Variants in CACNB4 observed in about 807,000 individuals in gnomAD.
CACNB4 encodes voltage-dependent L-type calcium channel subunit beta-4.
CACNB4 carries 32 observed loss-of-function variants against 71.2 expected under a neutral mutation model. The observed-to-expected ratio is 0.45, with a 90% CI of 0.34 to 0.60. The LOEUF is 0.60. Ranked by LOEUF, CACNB4 falls within the 20% of genes least tolerant of loss-of-function variation. The pLI is 0.01. For missense variants in CACNB4, 464 were observed against 647.9 expected (o/e 0.72, Z 3.08); for synonymous variants, 231 against 236.9 (o/e 0.97, Z 0.23).
At chr2:151,950,245 A>C (rs1362836193) in intron 2 of CACNB4, among the ~76,000 whole-genome samples, 1 of 151,972 alleles carries the variant, frequency 6.6e-6, no homozygotes, top group Non-Finnish European at 1.5e-5. Flanking sequence ...CCATATTTTT[A>C]TTTCTCAATA....
chr2:151,999,580 A>C (rs1159920628), intron 2 of CACNB4, among the ~76,000 whole-genome samples: 2 of 152,142 alleles, frequency 1.3e-5, no homozygotes, highest in Non-Finnish European at 2.9e-5. Context: ...CTAAGAATGC[A>C]GTTTCTTAAA....
chr2:152,022,358 T>C (rs922600998), intron 2 of CACNB4, among the ~76,000 whole-genome samples: 7 of 152,204 alleles, frequency 4.6e-5, no homozygotes, highest in African/African-American at 7.2e-5. Context: ...CAATAACTAT[T>C]TCACAAAGGA....
At chr2:151,924,158 T>A (rs562725461) in intron 2 of CACNB4, among the ~76,000 whole-genome samples, 150 of 143,090 alleles carry the variant, frequency 1.0e-3, no homozygotes, top group East Asian at 3.0e-3. Flanking sequence ...GGCTCACTGC[T>A]AGCTCCACCT....
intron 5 of CACNB4, among the ~76,000 whole-genome samples, chr2:151,875,624 TGACCCCTCCACCTCCCTCCCGGACG>T: frequency 1.4e-5 from 2 of 143,518 alleles, no homozygotes; most frequent in Admixed American, 6.8e-5. Context: ...GGCAGGGGGC[TGACCCCTCCACCTCCCTCCCGGACG>T]GGGCGGCTGG....
intron 2 of CACNB4, among the ~76,000 whole-genome samples, chr2:151,950,791 T>C (rs1278512879): frequency 6.6e-6 from 1 of 152,200 alleles, no homozygotes; most frequent in East Asian, 1.9e-4. Context: ...GATTGGTGAT[T>C]GCCAAGAGTA....
chr2:151,974,177 T>C (rs2099873346), intron 2 of CACNB4: 1 of 156,350 alleles, frequency 6.4e-6, no homozygotes, highest in Non-Finnish European at 1.4e-5. Context: ...AGGCAAACTA[T>C]TGAATACTCC....
chr2:151,896,555 C>T (rs187643784), intron 2 of CACNB4, among the ~76,000 whole-genome samples: 1 of 152,290 alleles, frequency 6.6e-6, no homozygotes, highest in East Asian at 1.9e-4. Flanking sequence ...ACACGATACC[C>T]ACCCCTCCCA....
intron 2 of CACNB4, among the ~76,000 whole-genome samples, chr2:152,001,673 A>C (rs1312739314): frequency 6.6e-6 from 1 of 151,086 alleles, no homozygotes; most frequent in East Asian, 1.9e-4. Flanking sequence ...AGATCATGCC[A>C]CTGCACTTCA....
At chr2:151,861,851 A>AAAAAACAAAAAAAAAAAAAAC (rs1553750169) in intron 9 of CACNB4, 1 of 135,288 alleles carries the variant, frequency 7.4e-6, no homozygotes, top group Non-Finnish European at 1.6e-5. Flanking sequence ...TCAAAAAAAA[A>AAAAAACAAAAAAAAAAAAAAC]AAAAAAACTG....
At chr2:151,994,530 G>A (rs113562525) in intron 2 of CACNB4, among the ~76,000 whole-genome samples, 1 of 120,642 alleles carries the variant, frequency 8.3e-6, no homozygotes, top group African/African-American at 3.1e-5. Flanking sequence ...TTTTTTTTTT[G>A]AGGCACAGTC....
chr2:152,085,777 G>T (rs1579271500), intron 2 of CACNB4, among the ~76,000 whole-genome samples: 1 of 150,436 alleles, frequency 6.6e-6, no homozygotes, highest in Non-Finnish European at 1.5e-5. Context: ...CGTTTTGCCT[G>T]CCTGCACTGT....
chr2:151,880,530 G>C (rs1446337341), intron 4 of CACNB4: 1 of 437,932 alleles, frequency 2.3e-6, no homozygotes, highest in African/African-American at 2.1e-5. Context: ...GGATTTAAAG[G>C]TGCCCAGAGG....
intron 2 of CACNB4, among the ~76,000 whole-genome samples, chr2:151,951,224 C>A (rs1158872703): frequency 6.6e-6 from 1 of 152,114 alleles, no homozygotes; most frequent in Non-Finnish European, 1.5e-5. Flanking sequence ...CTGCATCCTG[C>A]CTGAACTGTT....
At chr2:151,983,847 C>T (rs2099875156) in intron 2 of CACNB4, among the ~76,000 whole-genome samples, 1 of 152,030 alleles carries the variant, frequency 6.6e-6, no homozygotes. Context: ...CTCACGGCAC[C>T]CCTATAGTCA....
chr2:151,943,699 T>G (rs2099864837), intron 2 of CACNB4, among the ~76,000 whole-genome samples: 2 of 152,140 alleles, frequency 1.3e-5, no homozygotes, highest in Non-Finnish European at 2.9e-5. Context: ...CTCCACCAAC[T>G]GGGAAAGCCT....
At chr2:152,005,660 A>G (rs1262588395) in intron 2 of CACNB4, among the ~76,000 whole-genome samples, 1 of 152,214 alleles carries the variant, frequency 6.6e-6, no homozygotes, top group African/African-American at 2.4e-5. Flanking sequence ...TTCTAAATCT[A>G]CAATAAAAAT....
At chr2:152,075,691 T>C (rs1295277568) in intron 2 of CACNB4, among the ~76,000 whole-genome samples, 1 of 152,114 alleles carries the variant, frequency 6.6e-6, no homozygotes, top group Non-Finnish European at 1.5e-5. Context: ...CTGCTAAGCC[T>C]AGCCTTGCCC....
chr2:151,839,428 T>G (rs2099835603), intron 13 of CACNB4, 49 bp from the exon 14 acceptor site: 1 of 1,422,390 alleles, frequency 7.0e-7, no homozygotes, highest in African/African-American at 1.4e-5. Flanking sequence ...GCTTCATTCA[T>G]CTAAACATGT....
Position 151,983,675 on chromosome 2 carries a change from T to TCACACACA in CACNB4, c.148-100313_148-100306dup, listed in dbSNP as rs1553803380. On this transcript the variant is annotated intron_variant, in intron 2 of 13. Transcript: ENST00000539935. ...AGTATAAAAAAGCCATAAACTTTGG[T>TCACACACA]CACACACACACACACACACACACAC... Among the ~76,000 whole-genome samples the TCACACACA allele has an allele frequency of 5.6e-3, 799 of 141,530 alleles. 4 individuals carry two copies. Among genetic ancestry groups the TCACACACA allele is most frequent in the African/African-American group, 0.019 (717 of 38,122 alleles). The allele number at this position is 141,530 out of a possible 152,430, so 92.8% of individuals were successfully genotyped here.
Sources: allele counts gnomAD v4.1 joint callset (sites outside exome capture counted in the v4.1 genomes callset), GRCh38; gene constraint gnomAD v4.1.1; transcripts MANE v1.5; gene names NCBI Gene and HGNC (gene_info 2026-07-23, HGNC 2026-07-21).